Variants in BTBD9 observed in about 807,000 individuals in gnomAD.
BTBD9 encodes the protein BTB domain containing 9, also known as BTB/POZ domain-containing protein 9.
BTBD9 carries 49 observed loss-of-function variants against 64.3 expected under a neutral mutation model. The ratio of observed to expected loss-of-function variants is 0.76; its 90% CI spans 0.61 to 0.97. BTBD9 has a LOEUF of 0.97. BTBD9 is among the 50% of genes least tolerant of loss of function. BTBD9 has a pLI of 0.00. For missense variants in BTBD9, 598 were observed against 762.1 expected, an observed-to-expected ratio of 0.78 and a Z score of 2.53; for synonymous variants, 260 against 274.7, an observed-to-expected ratio of 0.95 and a Z score of 0.53.
rs539754907 is a variant in BTBD9 at position 38,256,494 on chromosome 6, C to T, written c.1477G>A (p.Asp493Asn). 7 of 1,613,368 alleles carry T rather than the reference C, an allele frequency of 4.3e-6. No individual in the cohort carries two copies. Among genetic ancestry groups the T allele is most frequent in the Admixed American group, 1.7e-5 (1 of 60,016 alleles). ...TCAACGTAGTAGCTATAGCTTCGAT[C>T]ATCACAATCCCAAAGTAGTAACCTG... The part of the protein sequence containing the change: ...SIRLLLWDCD[D>N]RSYSYYVEVS... The change falls in exon 9 of 11, where the codon GAT (aspartate) becomes AAT (asparagine). Residue 493 changes from aspartate to asparagine, a missense_variant. Coordinates refer to ENST00000481247, the MANE Select transcript of BTBD9 (RefSeq NM_001099272.2).
intron 7 of BTBD9, among the ~76,000 whole-genome samples, chr6:38,323,694 G>A (rs550871189): frequency 6.6e-6 from 1 of 152,336 alleles, no homozygotes; most frequent in South Asian, 2.1e-4. Context: ...TAGTATTGCT[G>A]AGGTCTTAGA....
intron 6 of BTBD9, among the ~76,000 whole-genome samples, chr6:38,533,859 T>C (rs528975464): frequency 6.6e-6 from 1 of 151,896 alleles, no homozygotes; most frequent in African/African-American, 2.4e-5. Flanking sequence ...AAACACAACA[T>C]ACCAAAACCT....
chr6:38,316,358 G>C (rs1485103731), intron 7 of BTBD9, among the ~76,000 whole-genome samples: 1 of 151,984 alleles, frequency 6.6e-6, no homozygotes, highest in Admixed American at 6.6e-5. Context: ...TTTGTTTCCT[G>C]GTTGTTCTGT....
Position 38,634,636 on chromosome 6 carries a change from CA to C in BTBD9, c.-28+5163del, listed in dbSNP as rs1375424046. ...AAGTCAAATGCACATAGCTACACAC[CA>C]GATATATGAAAGAAATTTTCTGTAG... On this transcript the variant is annotated intron_variant, in intron 1 of 10. Coordinates refer to ENST00000481247, the MANE Select transcript of BTBD9 (RefSeq NM_001099272.2). 2.0e-5 allele frequency among the ~76,000 whole-genome samples: 3 copies of C among 151,816 alleles called. No individual in the cohort carries two copies. The East Asian group carries it at 5.8e-4, about 29-fold the overall frequency.
rs1195713446 is a variant in BTBD9, at chr6:38,174,278, T to C, written c.*707A>G. ...ATTAACTCCAGTGTCCACAGGTTGATTTGCTTGTGTGCATTTGTGGCACTT... is the reference window on the plus strand; with the variant it reads ...ATTAACTCCAGTGTCCACAGGTTGACTTGCTTGTGTGCATTTGTGGCACTT... On this transcript the variant is annotated 3_prime_UTR_variant, in exon 11 of 11. Coordinates refer to ENST00000481247, the MANE Select transcript of BTBD9 (RefSeq NM_001099272.2). 1 of 152,244 alleles carries C rather than the reference T, an allele frequency of 6.6e-6. No homozygotes were observed. The highest frequency in any genetic ancestry group is 2.4e-5 in the African/African-American group (1 of 41,456). 9.4% of individuals were successfully genotyped at this position (152,244 alleles called of 1,614,324 possible). A position where few individuals can be genotyped will look rare whatever the true frequency, so the allele number is the denominator to read the frequency against.
At chr6:38,429,392 T>C (rs1348045324) in intron 6 of BTBD9, among the ~76,000 whole-genome samples, 3 of 149,660 alleles carry the variant, frequency 2.0e-5, no homozygotes, top group Admixed American at 6.7e-5. Flanking sequence ...GAGGCGGAGA[T>C]TGCAGTGAGC....
chr6:38,601,500 G>A (rs941742018), intron 1 of BTBD9, among the ~76,000 whole-genome samples: 3 of 151,908 alleles, frequency 2.0e-5, no homozygotes, highest in Non-Finnish European at 2.9e-5. Context: ...TTGACACCAG[G>A]AGTTCAGGAC....
intron 9 of BTBD9, among the ~76,000 whole-genome samples, chr6:38,226,493 C>T (rs1221989368): frequency 6.6e-6 from 1 of 152,142 alleles, no homozygotes; most frequent in Non-Finnish European, 1.5e-5. Context: ...GGCAGAGGTT[C>T]ACAGAGAATC....
chr6:38,374,306 T>TATATATATATAA (rs1491240635), intron 6 of BTBD9, among the ~76,000 whole-genome samples: 1 of 84,658 alleles, frequency 1.2e-5, no homozygotes, highest in Non-Finnish European at 2.2e-5. Context: ...TGTATATATA[T>TATATATATATAA]GTATATATAT....
chr6:38,581,946 C>A (rs1776302244), intron 4 of BTBD9, among the ~76,000 whole-genome samples: 1 of 152,046 alleles, frequency 6.6e-6, no homozygotes, highest in Non-Finnish European at 1.5e-5. Context: ...TAAAAAAATA[C>A]CGAATTCTCA....
At chr6:38,518,913 T>C (rs1773159129) in intron 6 of BTBD9, among the ~76,000 whole-genome samples, 1 of 152,110 alleles carries the variant, frequency 6.6e-6, no homozygotes, top group Non-Finnish European at 1.5e-5. Context: ...TATAAAACAA[T>C]TGGGAAAAAA....
intron 6 of BTBD9, among the ~76,000 whole-genome samples, chr6:38,359,512 T>A (rs1018020008): frequency 6.6e-6 from 1 of 152,200 alleles, no homozygotes; most frequent in Non-Finnish European, 1.5e-5. Context: ...AAAATGATGA[T>A]GGCAGAAATG....
chr6:38,266,767 CATTCTTA>C lies in BTBD9; in HGVS notation c.1455-10258_1455-10252del, dbSNP rs558683173. Among the ~76,000 whole-genome samples, 83 of 152,266 alleles carry C rather than the reference CATTCTTA, an allele frequency of 5.5e-4. 1 individual carries two copies. Among genetic ancestry groups the C allele is most frequent in the Admixed American group, 4.8e-3 (74 of 15,302 alleles). On this transcript the variant is annotated intron_variant, in intron 8 of 10. Transcript: ENST00000481247. ...GCCAAACAGCCCTTGAGAAGAAAAG[CATTCTTA>C]TATTTTGGAAAGTGACTCTAATACA...
At chr6:38,615,030 T>C (rs1182580159) in intron 1 of BTBD9, among the ~76,000 whole-genome samples, 2 of 152,260 alleles carry the variant, frequency 1.3e-5, no homozygotes. Context: ...CTGTGGAATC[T>C]GGGCCCTGCC....
chr6:38,515,552 CTTACTACTAA>C (rs1298541428), intron 6 of BTBD9, among the ~76,000 whole-genome samples: 1 of 152,278 alleles, frequency 6.6e-6, no homozygotes, highest in South Asian at 2.1e-4. Flanking sequence ...GTGTTATTTT[CTTACTACTAA>C]GCATAGAACT....
intron 6 of BTBD9, among the ~76,000 whole-genome samples, chr6:38,417,709 GCTGCAGTGAGC>G (rs1418268396): frequency 6.6e-6 from 1 of 151,560 alleles, no homozygotes; most frequent in Non-Finnish European, 1.5e-5. Flanking sequence ...GGAGGTTGAG[GCTGCAGTGAGC>G]CCTGATTGCG....
At chr6:38,209,963 G>T (rs544971608) in intron 9 of BTBD9, among the ~76,000 whole-genome samples, 1 of 152,326 alleles carries the variant, frequency 6.6e-6, no homozygotes, top group East Asian at 1.9e-4. Flanking sequence ...GCCTCTCACA[G>T]AGAGCGGCAG....
chr6:38,273,404 A>T (rs534192459), intron 8 of BTBD9, among the ~76,000 whole-genome samples: 1 of 152,326 alleles, frequency 6.6e-6, no homozygotes, highest in African/African-American at 2.4e-5. Flanking sequence ...ACTACGGTCC[A>T]GCTGCACATG....
At chr6:38,519,390 T>C (rs1220347189) in intron 6 of BTBD9, among the ~76,000 whole-genome samples, 1 of 152,234 alleles carries the variant, frequency 6.6e-6, no homozygotes, top group Non-Finnish European at 1.5e-5. Context: ...GAAAGTATAC[T>C]GATAGCTGCA....
Sources: gnomAD v4.1 joint callset for allele counts (sites outside exome capture counted in the v4.1 genomes callset) on GRCh38, gnomAD v4.1.1 for gene constraint, MANE v1.5 for transcripts, NCBI Gene and HGNC (gene_info 2026-07-23, HGNC 2026-07-21) for gene names.